Variants in CNTNAP2 observed in about 807,000 individuals in gnomAD.
CNTNAP2 encodes the protein contactin-associated protein-like 2.
A neutral mutation model predicts 155.2 loss-of-function variants in CNTNAP2; 98 were observed. That is an observed-to-expected ratio of 0.63 (90% confidence interval 0.54 to 0.75). CNTNAP2 has a LOEUF of 0.75. Among genes scored for constraint, CNTNAP2 ranks in the 30% least tolerant of loss-of-function variants. The pLI is 0.00. For missense variants in CNTNAP2, 1,727 were observed against 1,688.1 expected (o/e 1.02, Z -0.40); for synonymous variants, 651 against 631.2 (o/e 1.03, Z -0.47).
At chr7:147,835,867 G>T (rs180889870) in intron 13 of CNTNAP2, among the ~76,000 whole-genome samples, 2 of 152,280 alleles carry the variant, frequency 1.3e-5, no homozygotes, top group Non-Finnish European at 2.9e-5. Context: ...AGAGATTGAA[G>T]TTCTGTGGTC....
intron 3 of CNTNAP2, among the ~76,000 whole-genome samples, chr7:146,869,413 C>G (rs1795264658): frequency 6.6e-6 from 1 of 151,990 alleles, no homozygotes; most frequent in South Asian, 2.1e-4. Flanking sequence ...TGCTGCTGGT[C>G]TCAGTTTTGT....
chr7:146,171,086 A>C (rs1798383227), intron 1 of CNTNAP2, among the ~76,000 whole-genome samples: 1 of 152,150 alleles, frequency 6.6e-6, no homozygotes, highest in Non-Finnish European at 1.5e-5. Context: ...TTCACCTAGC[A>C]AGGGAACAGC....
Position 147,522,688 on chromosome 7 carries a change from G to T in CNTNAP2, c.1777+36647G>T, listed in dbSNP as rs112697185. On this transcript the variant is annotated intron_variant, in intron 11 of 23. Transcript: ENST00000361727. ...CATTTTGGGGGAAAAAAGTTTGAAA[G>T]AATGCCTTTTTAAATCCATTGAGAA... 7.1e-4 allele frequency among the ~76,000 whole-genome samples: 105 copies of T among 148,852 alleles called. 1 individual carries two copies. Among genetic ancestry groups the T allele is most frequent in the African/African-American group, 2.5e-3 (102 of 40,678 alleles).
chr7:148,415,337 G>C, intron 23 of CNTNAP2, 80 bp from the exon 24 acceptor site: 3 of 1,422,212 alleles, frequency 2.1e-6, no homozygotes, highest in Non-Finnish European at 2.0e-6. Context: ...GTGTCTGACG[G>C]AGCTGTAGTG....
In CNTNAP2 at chr7:146,749,328, A is replaced by T. The variant is rs556094832; in HGVS notation, c.98-24943A>T. On this transcript the variant is annotated intron_variant, in intron 1 of 23. Transcript: ENST00000361727. Reference sequence around the variant, plus strand: ...TTTTATTACCTACACTTTGCTAGTGAACGTAAAGAAAGTGAAACAAATTGC... The same window carrying T: ...TTTTATTACCTACACTTTGCTAGTGTACGTAAAGAAAGTGAAACAAATTGC... Among the ~76,000 whole-genome samples the T allele has an allele frequency of 2.6e-5, 4 of 152,324 alleles. No homozygotes were observed. The South Asian group carries it at 8.3e-4, about 32-fold the overall frequency.
At chr7:147,389,955 T>G (rs1366434300) in intron 9 of CNTNAP2, among the ~76,000 whole-genome samples, 3 of 152,182 alleles carry the variant, frequency 2.0e-5, no homozygotes, top group African/African-American at 7.2e-5. Context: ...AAATGCCAGC[T>G]GCAAATTTAT....
intron 13 of CNTNAP2, among the ~76,000 whole-genome samples, chr7:147,746,677 C>G (rs1563074910): frequency 6.6e-6 from 1 of 152,090 alleles, no homozygotes; most frequent in Non-Finnish European, 1.5e-5. Context: ...ACCAATGGGA[C>G]CAATTGTTTT....
chr7:146,483,756 TACA>T (rs1797014903), intron 1 of CNTNAP2, among the ~76,000 whole-genome samples: 1 of 152,146 alleles, frequency 6.6e-6, no homozygotes, highest in Admixed American at 6.5e-5. Context: ...TGTACAGCTG[TACA>T]ACGTGTTTGT....
intron 8 of CNTNAP2, among the ~76,000 whole-genome samples, chr7:147,288,486 A>G (rs1250490198): frequency 1.3e-5 from 2 of 152,206 alleles, no homozygotes; most frequent in Non-Finnish European, 2.9e-5. Flanking sequence ...TCCTCTCTTT[A>G]GAGAACAGCT....
chr7:147,583,696 C>T (rs2116830985), intron 12 of CNTNAP2, among the ~76,000 whole-genome samples: 1 of 151,844 alleles, frequency 6.6e-6, no homozygotes, highest in East Asian at 1.9e-4. Flanking sequence ...CACCAAAGTA[C>T]TCACAGCATA....
chr7:147,861,484 A>G (rs1188831709), intron 13 of CNTNAP2, among the ~76,000 whole-genome samples: 4 of 152,222 alleles, frequency 2.6e-5, no homozygotes, highest in Non-Finnish European at 5.9e-5. Flanking sequence ...TTGAGTATTT[A>G]CCACATACCA....
At chr7:148,145,805 G>A (rs1364524094) in intron 16 of CNTNAP2, among the ~76,000 whole-genome samples, 1 of 152,142 alleles carries the variant, frequency 6.6e-6, no homozygotes, top group East Asian at 1.9e-4. Context: ...TCACTGGCCT[G>A]CAAGTTCAAT....
At chr7:146,363,928 A>C (rs1795120190) in intron 1 of CNTNAP2, among the ~76,000 whole-genome samples, 1 of 152,194 alleles carries the variant, frequency 6.6e-6, no homozygotes, top group African/African-American at 2.4e-5. Context: ...TGAAGGGACA[A>C]AGCAAGAGAG....
intron 9 of CNTNAP2, among the ~76,000 whole-genome samples, chr7:147,381,585 T>C (rs1159215787): frequency 3.9e-5 from 6 of 152,274 alleles, no homozygotes; most frequent in African/African-American, 1.2e-4. Flanking sequence ...TATATGAAAG[T>C]GTCAAATTAT....
chr7:146,422,359 G>GTATATATATATA lies in CNTNAP2; in HGVS notation c.97+305388_97+305399dup, dbSNP rs971506491. On this transcript the variant is annotated intron_variant, in intron 1 of 23. Transcript: ENST00000361727. ...TACATATATGTATGTGTATATATAT[G>GTATATATATATA]TATATATATATATGTTAGCCATTTA... 3.1e-3 allele frequency among the ~76,000 whole-genome samples: 462 copies of GTATATATATATA among 148,140 alleles called. 1 individual carries two copies. Among genetic ancestry groups the GTATATATATATA allele is most frequent in the African/African-American group, 0.01 (420 of 40,264 alleles).
intron 11 of CNTNAP2, among the ~76,000 whole-genome samples, chr7:147,508,858 G>C (rs1798963442): frequency 6.6e-6 from 1 of 152,170 alleles, no homozygotes; most frequent in Admixed American, 6.5e-5. Context: ...CAGCCATGTG[G>C]AACTGTGAGT....
intron 1 of CNTNAP2, among the ~76,000 whole-genome samples, chr7:146,508,961 T>C (rs73464764): frequency 0.02 from 2,970 of 152,118 alleles, 97 homozygotes; most frequent in African/African-American, 0.068. Context: ...TGGCATAGAC[T>C]CCTCTGCTTC....
At chr7:146,660,300 G>T (rs1250187714) in intron 1 of CNTNAP2, among the ~76,000 whole-genome samples, 2 of 152,174 alleles carry the variant, frequency 1.3e-5, no homozygotes, top group African/African-American at 2.4e-5. Flanking sequence ...CTGGTACCCA[G>T]TGGTCTTACA....
intron 20 of CNTNAP2, among the ~76,000 whole-genome samples, chr7:148,254,637 T>G (rs980646360): frequency 1.5e-4 from 23 of 151,894 alleles, no homozygotes; most frequent in African/African-American, 5.6e-4. Context: ...TTAGCCAGGC[T>G]TGGTGGCGGG....
Sources: allele counts gnomAD v4.1 joint callset (sites outside exome capture counted in the v4.1 genomes callset), GRCh38; gene constraint gnomAD v4.1.1; transcripts MANE v1.5; gene names NCBI Gene and HGNC (gene_info 2026-07-23, HGNC 2026-07-21).